The following CSMD1 variants were observed in gnomAD, a reference collection of about 807,000 sequenced individuals.
The protein encoded by CSMD1 is CUB and sushi domain-containing protein 1.
Under a neutral mutation model 417.5 loss-of-function variants are expected in CSMD1, and 213 were observed. The ratio of observed to expected loss-of-function variants is 0.51; its 90% confidence interval spans 0.46 to 0.57. The LOEUF (loss-of-function observed/expected upper bound fraction) is 0.57, where lower values mean the gene tolerates loss of function less well. CSMD1 is among the 20% of genes least tolerant of loss of function. CSMD1 has a pLI of 0.00. For missense variants in CSMD1, 6,923 were observed against 4,529.7 expected (o/e 1.53, Z -15.17); for synonymous variants, 2,862 against 1,736.8 (o/e 1.65, Z -16.11).
chr8:4,566,647 T>C (rs1798623152), intron 2 of CSMD1, among the ~76,000 whole-genome samples: 1 of 85,168 alleles, frequency 1.2e-5, no homozygotes, highest in Non-Finnish European at 2.1e-5. Context: ...AGGGAGACTC[T>C]GACTCAAAAA....
chr8:4,093,015 T>C (rs1800801645), intron 3 of CSMD1, among the ~76,000 whole-genome samples: 1 of 152,156 alleles, frequency 6.6e-6, no homozygotes, highest in Non-Finnish European at 1.5e-5. Context: ...CACTGAGGAA[T>C]GCTGTGAACA....
At chr8:3,288,506 C>T (rs925297540) in intron 25 of CSMD1, among the ~76,000 whole-genome samples, 3 of 147,238 alleles carry the variant, frequency 2.0e-5, no homozygotes, top group Non-Finnish European at 2.9e-5. Flanking sequence ...AGAGATTCAA[C>T]TTCTTCCTGG....
chr8:3,797,783 A>G (rs1800240376), intron 5 of CSMD1, among the ~76,000 whole-genome samples: 1 of 151,992 alleles, frequency 6.6e-6, no homozygotes, highest in African/African-American at 2.4e-5. Context: ...AAAACAGAAA[A>G]TTCCTAGGTT....
At chr8:3,385,027 T>TA (rs376117606) in intron 18 of CSMD1, among the ~76,000 whole-genome samples, 1 of 116,718 alleles carries the variant, frequency 8.6e-6, no homozygotes, top group Non-Finnish European at 1.6e-5. Flanking sequence ...AATATATAAA[T>TA]ATAATATATA....
intron 5 of CSMD1, among the ~76,000 whole-genome samples, chr8:3,908,591 C>A (rs922565818): frequency 6.6e-6 from 1 of 152,124 alleles, no homozygotes; most frequent in Admixed American, 6.5e-5. Flanking sequence ...CTTGTTTAAT[C>A]CCTGGAACAT....
At chr8:3,410,157 A>G (rs1478845191) in intron 12 of CSMD1, among the ~76,000 whole-genome samples, 1 of 152,256 alleles carries the variant, frequency 6.6e-6, no homozygotes, top group Non-Finnish European at 1.5e-5. Context: ...CATCACTGTA[A>G]TAACATATGC....
At chr8:3,531,234 G>A (rs1423509223) in intron 10 of CSMD1, among the ~76,000 whole-genome samples, 2 of 151,992 alleles carry the variant, frequency 1.3e-5, no homozygotes, top group Non-Finnish European at 2.9e-5. Context: ...TAACTTTTCA[G>A]GTCCCTCCCA....
Position 4,994,475 on chromosome 8 carries a change from A to C in CSMD1, c.-59T>G, listed in dbSNP as rs1276207795. The C allele has an allele frequency of 3.0e-5, 45 of 1,483,108 alleles. No homozygotes were observed. The South Asian group carries it at 4.7e-4, about 16-fold the overall frequency. 91.9% of individuals were successfully genotyped at this position (1,483,108 alleles called of 1,614,324 possible). A position where few individuals can be genotyped will look rare whatever the true frequency, so the allele number is the denominator to read the frequency against. ...TGGCTCCTCCGAGGAAGGCAGGGCT[A>C]TGAGCGGAGCCAAATAATCACCCGA... On this transcript the variant is annotated 5_prime_UTR_variant, in exon 1 of 70. It removes the in-frame stop codon of an upstream open reading frame in the 5' UTR. Coordinates refer to ENST00000635120, the MANE Select transcript of CSMD1 (RefSeq NM_033225.6).
At chr8:4,452,531 TTA>T (rs1799209691) in intron 2 of CSMD1, among the ~76,000 whole-genome samples, 1 of 152,198 alleles carries the variant, frequency 6.6e-6, no homozygotes. Context: ...AACTCAACAA[TTA>T]TAAAAATAAT....
chr8:4,221,544 C>A (rs751692806), intron 3 of CSMD1, among the ~76,000 whole-genome samples: 1 of 152,134 alleles, frequency 6.6e-6, no homozygotes, highest in African/African-American at 2.4e-5. Flanking sequence ...CAGGAAGGCT[C>A]AAGAGCAGGA....
intron 5 of CSMD1, among the ~76,000 whole-genome samples, chr8:3,850,577 C>T (rs1454878681): frequency 6.6e-6 from 1 of 152,106 alleles, no homozygotes; most frequent in Non-Finnish European, 1.5e-5. Context: ...CACCTGTTTT[C>T]CCAGCTACTT....
intron 1 of CSMD1, among the ~76,000 whole-genome samples, chr8:4,692,420 A>G (rs958028502): frequency 6.6e-6 from 1 of 152,218 alleles, no homozygotes; most frequent in African/African-American, 2.4e-5. Flanking sequence ...TTTCGTGGCC[A>G]GGATTTTTAA....
chr8:3,062,407 G>C (rs561158030), intron 49 of CSMD1, among the ~76,000 whole-genome samples: 1 of 152,146 alleles, frequency 6.6e-6, no homozygotes, highest in Admixed American at 6.5e-5. Context: ...TGTTTCCAAG[G>C]AGTAAACACC....
chr8:4,892,419 C>G (rs890920300), intron 1 of CSMD1, among the ~76,000 whole-genome samples: 4 of 152,026 alleles, frequency 2.6e-5, no homozygotes, highest in Non-Finnish European at 4.4e-5. Context: ...CGTCCTGTGT[C>G]CCTCTACTGC....
Position 4,064,120 on chromosome 8 carries a change from G to C in CSMD1, c.416-32021C>G, listed in dbSNP as rs752896297. Reference sequence around the variant, plus strand: ...TACTCTCCTGCAGCAAAGGGTCCTAGAAAATTGTTTCTGCCTCTGATGTAA... The same window carrying C: ...TACTCTCCTGCAGCAAAGGGTCCTACAAAATTGTTTCTGCCTCTGATGTAA... On this transcript the variant is annotated intron_variant, in intron 3 of 69. Transcript: ENST00000635120. Among the ~76,000 whole-genome samples, 4 of 152,266 alleles carry C rather than the reference G, an allele frequency of 2.6e-5. 1 individual carries two copies. The South Asian group carries it at 8.3e-4, about 32-fold the overall frequency.
At chr8:4,771,610 G>T (rs989769178) in intron 1 of CSMD1, among the ~76,000 whole-genome samples, 1 of 152,146 alleles carries the variant, frequency 6.6e-6, no homozygotes, top group Non-Finnish European at 1.5e-5. Flanking sequence ...ATTAAATGTT[G>T]AAACGTCCGT....
intron 51 of CSMD1, among the ~76,000 whole-genome samples, chr8:3,022,668 T>C (rs919068666): frequency 3.0e-5 from 4 of 132,798 alleles, no homozygotes; most frequent in South Asian, 2.5e-4. Flanking sequence ...TCTTTTCAAA[T>C]ACATTCTAGC....
chr8:4,536,754 T>A (rs905103174), intron 2 of CSMD1, among the ~76,000 whole-genome samples: 6 of 152,238 alleles, frequency 3.9e-5, no homozygotes, highest in African/African-American at 1.4e-4. Context: ...TATTTTTGAA[T>A]AGATTCCTGG....
At chr8:4,446,661 C>G (rs1798808542) in intron 2 of CSMD1, among the ~76,000 whole-genome samples, 1 of 151,992 alleles carries the variant, frequency 6.6e-6, no homozygotes, top group Non-Finnish European at 1.5e-5. Flanking sequence ...TTGAGCCATT[C>G]TCTGTCTCAG....
Sources: allele counts gnomAD v4.1 joint callset (sites outside exome capture counted in the v4.1 genomes callset), GRCh38; gene constraint gnomAD v4.1.1; transcripts MANE v1.5; gene names NCBI Gene and HGNC (gene_info 2026-07-23, HGNC 2026-07-21).